Variants in CTSH observed in about 807,000 individuals in gnomAD.
CTSH encodes pro-cathepsin H.
In CTSH, 52 loss-of-function variants were observed where a neutral mutation model predicts 56.3. The observed-to-expected ratio is 0.92, with a 90% confidence interval of 0.74 to 1.16. The LOEUF is 1.16. Among genes scored for constraint, CTSH ranks in the 50% most tolerant of loss-of-function variants. The pLI is 0.00. For synonymous variants in CTSH, 174 were observed against 155.7 expected (o/e 1.12, Z -0.88); for missense variants, 406 against 424.5 (o/e 0.96, Z 0.38).
In CTSH at chr15:78,925,433, T is replaced by C. The variant is rs202111900; in HGVS notation, c.707A>G (p.Glu236Gly). 132 of 1,611,496 alleles carry C rather than the reference T, an allele frequency of 8.2e-5. 1 individual carries two copies. The highest frequency in any genetic ancestry group is 4.9e-4 in the East Asian group (22 of 44,874). Residue 236 changes from glutamate (E) to glycine (G), a missense_variant, in exon 10 of 12, where the codon GAG (glutamate) becomes GGG (glycine). Coordinates refer to ENST00000220166, the MANE Select transcript of CTSH (RefSeq NM_004390.5). Reference protein sequence around the residue: ...KDVANITIYDEEAMVEAVALY... With the variant: ...KDVANITIYDGEAMVEAVALY... ...GGCCACAGCCTCCACCATCGCTTCC[T>C]CGTCATACTGTGGAAACAGGACCGA...
At chr15:78,936,186 T>C (rs986759190) in intron 3 of CTSH, among the ~76,000 whole-genome samples, 169 of 143,440 alleles carry the variant, frequency 1.2e-3, no homozygotes, top group South Asian at 8.2e-3. Flanking sequence ...TTTTCTTTTT[T>C]TTTTTTTTTT....
chr15:78,940,214 A>G (rs1393215967), intron 1 of CTSH, among the ~76,000 whole-genome samples: 1 of 152,240 alleles, frequency 6.6e-6, no homozygotes, highest in Admixed American at 6.5e-5. Flanking sequence ...GTATTTCCCC[A>G]TGTATGTTCT....
rs371765605 is a variant in CTSH, at chr15:78,937,306, C to T, written c.229+12G>A. ...ACATCCTTCCAGGAAGGAAGGAAGGCGTTCCACGTACTTTTAAATGTGTGG... is the reference window on the plus strand; with the variant it reads ...ACATCCTTCCAGGAAGGAAGGAAGGTGTTCCACGTACTTTTAAATGTGTGG... On this transcript the variant is annotated intron_variant, in intron 3 of 11. Coordinates refer to ENST00000220166, the MANE Select transcript of CTSH (RefSeq NM_004390.5). The T allele has an allele frequency of 2.6e-5, 42 of 1,606,890 alleles. No homozygotes were observed. The highest frequency in any genetic ancestry group is 3.5e-4 in the Middle Eastern group (2 of 5,668).
At chr15:78,924,650 C>T (rs2054861645) in intron 10 of CTSH, among the ~76,000 whole-genome samples, 1 of 151,812 alleles carries the variant, frequency 6.6e-6, no homozygotes, top group African/African-American at 2.4e-5. Flanking sequence ...AGGGCAGCTA[C>T]TCTTCTCCCT....
intron 9 of CTSH, 134 bp from the exon 10 acceptor site, chr15:78,925,574 CCT>C (rs1011367484): frequency 1.5e-5 from 9 of 617,844 alleles, no homozygotes; most frequent in Non-Finnish European, 1.8e-5. Context: ...TCCCCTGCGG[CCT>C]CTCTCCCTTC....
rs1267628848 is a variant in CTSH at position 78,931,740 on chromosome 15, TGA to T, written c.493-236_493-235del. On this transcript the variant is annotated intron_variant, in intron 6 of 11. Transcript: ENST00000220166. ...AGTAAGCAGGGGCAGCCAGGGAAGGTGAGAGGGGGCAAGGGCTGTTGGGTCCA... is the reference window on the plus strand; with the variant it reads ...AGTAAGCAGGGGCAGCCAGGGAAGGTGAGGGGGCAAGGGCTGTTGGGTCCA... 26 of 1,427,658 alleles carry T rather than the reference TGA, an allele frequency of 1.8e-5. No homozygotes were observed. In the South Asian group the frequency reaches 3.4e-4, roughly 18 times the overall value. The allele number at this position is 1,427,658 out of a possible 1,614,324, so 88.4% of individuals were successfully genotyped here. A position where few individuals can be genotyped will look rare whatever the true frequency, so the allele number is the denominator to read the frequency against.
intron 5 of CTSH, among the ~76,000 whole-genome samples, chr15:78,933,867 C>T (rs367896633): frequency 2.0e-5 from 3 of 152,298 alleles, no homozygotes; most frequent in Non-Finnish European, 2.9e-5. Context: ...CAGTAAGAGA[C>T]GGCACACATC....
chr15:78,937,504 G>A (rs945459666), intron 2 of CTSH, 81 bp from the exon 3 acceptor site: 2 of 1,407,672 alleles, frequency 1.4e-6, no homozygotes, highest in Admixed American at 2.2e-5. Flanking sequence ...TTCCTAAGAG[G>A]AAAGATGAAG....
intron 10 of CTSH, among the ~76,000 whole-genome samples, chr15:78,925,122 C>T (rs2054874616): frequency 6.6e-6 from 1 of 152,348 alleles, no homozygotes; most frequent in Middle Eastern, 3.4e-3. Flanking sequence ...ACCACCTCTC[C>T]TTTGCTGTGA....
intron 10 of CTSH, 138 bp from the exon 11 acceptor site, chr15:78,923,256 T>TAATC: frequency 1.1e-6 from 1 of 874,104 alleles, no homozygotes; most frequent in Non-Finnish European, 1.8e-6. Context: ...GGTGGTGATG[T>TAATC]AATCACATTT....
Position 78,927,711 on chromosome 15 carries a change from A to G in CTSH, c.699+2T>C. On this transcript the variant is annotated splice_donor_variant, in intron 9 of 11. Coordinates refer to ENST00000220166, the MANE Select transcript of CTSH (RefSeq NM_004390.5). LOFTEE classifies it high-confidence loss of function. ...CCATCCCAGAGGGGGATCGGCACTC[A>G]CGATTGTGATGTTGGCTACATCCTT... The G allele has an allele frequency of 6.2e-7, 1 of 1,613,936 alleles. No homozygotes were observed.
chr15:78,932,023 A>G (rs765970679), intron 6 of CTSH: 8 of 1,185,432 alleles, frequency 6.7e-6, no homozygotes, highest in Non-Finnish European at 8.4e-6. Flanking sequence ...CTCTTCCCTC[A>G]TGAAGACAAC....
rs2054763860 is a variant in CTSH, at chr15:78,921,085, A to G, written c.*1045T>C. On this transcript the variant is annotated 3_prime_UTR_variant, in exon 12 of 12. Coordinates refer to ENST00000220166, the MANE Select transcript of CTSH (RefSeq NM_004390.5). ...TTCTAATAAATTAAACTATATTTGC[A>G]TTATCTAAATAAGCCTTATCATGAA... 1 of 152,158 alleles carries G rather than the reference A, an allele frequency of 6.6e-6. No homozygotes were observed. Among genetic ancestry groups the G allele is most frequent in the Non-Finnish European group, 1.5e-5 (1 of 68,044 alleles). The allele number at this position is 152,158 out of a possible 1,614,324, so 9.4% of individuals were successfully genotyped here.
intron 5 of CTSH, among the ~76,000 whole-genome samples, chr15:78,934,365 G>C (rs2055128520): frequency 6.6e-6 from 1 of 152,252 alleles, no homozygotes. Flanking sequence ...TGCTAGGGGA[G>C]GGGCCGCAGC....
At chr15:78,924,333 T>C (rs1306104118) in intron 10 of CTSH, among the ~76,000 whole-genome samples, 1 of 151,862 alleles carries the variant, frequency 6.6e-6, no homozygotes, top group Non-Finnish European at 1.5e-5. Flanking sequence ...AAGGTTGGCG[T>C]TGGCAAGAGG....
chr15:78,933,027 A>C (rs2055098235), intron 5 of CTSH, among the ~76,000 whole-genome samples: 1 of 152,064 alleles, frequency 6.6e-6, no homozygotes, highest in South Asian at 2.1e-4. Flanking sequence ...CAGACATCCA[A>C]CTAACTGCCA....
chr15:78,921,258 G>A lies in CTSH; in HGVS notation c.*872C>T, dbSNP rs1397454502. The A allele has an allele frequency of 1.3e-5, 2 of 152,150 alleles. No individual in the cohort carries two copies. The highest frequency in any genetic ancestry group is 2.4e-5 in the African/African-American group (1 of 41,404). The allele number at this position is 152,150 out of a possible 1,614,324, so 9.4% of individuals were successfully genotyped here. On this transcript the variant is annotated 3_prime_UTR_variant, in exon 12 of 12. Transcript: ENST00000220166. ...TTCTACAGACATCCCAGAGCCCGGA[G>A]GCTTCAGGAAGCAGCAGCAACTTCA...
At chr15:78,928,735 G>A (rs2054977820) in intron 8 of CTSH, among the ~76,000 whole-genome samples, 1 of 152,216 alleles carries the variant, frequency 6.6e-6, no homozygotes, top group Admixed American at 6.5e-5. Flanking sequence ...ACCCTCAGGG[G>A]TCTGGATGGA....
chr15:78,924,123 T>A (rs963288729), intron 10 of CTSH, among the ~76,000 whole-genome samples: 2 of 16,772 alleles, frequency 1.2e-4, no homozygotes, highest in African/African-American at 5.8e-4. Context: ...GTGGGCAGGG[T>A]GGGTCAGGGA....
Sources: gnomAD v4.1 joint callset for allele counts (sites outside exome capture counted in the v4.1 genomes callset) on GRCh38, gnomAD v4.1.1 for gene constraint, MANE v1.5 for transcripts, NCBI Gene and HGNC (gene_info 2026-07-23, HGNC 2026-07-21) for gene names.